PMEPA1: variants seen among roughly 807,000 people sequenced by gnomAD.
PMEPA1 encodes prostate transmembrane protein, androgen induced 1.
A neutral mutation model predicts 23.0 loss-of-function variants in PMEPA1; 11 were observed. That is an observed-to-expected ratio of 0.48 (90% CI 0.30 to 0.79). PMEPA1 has a LOEUF of 0.79. Among genes scored for constraint, PMEPA1 ranks in the 30% least tolerant of loss-of-function variants. PMEPA1 has a pLI of 0.06. For missense variants in PMEPA1, 377 were observed against 390.9 expected (o/e 0.96, Z 0.30); for synonymous variants, 204 against 166.4 (o/e 1.23, Z -1.74).
chr20:57,690,790 C>T (rs1457000565), intron 1 of PMEPA1, among the ~76,000 whole-genome samples: 1 of 152,212 alleles, frequency 6.6e-6, no homozygotes, highest in Non-Finnish European at 1.5e-5. Flanking sequence ...CCTCACCCAC[C>T]AGTTGGTGAG....
At chr20:57,710,756 G>A (rs1381516451), upstream of PMEPA1, 1 of 397,246 alleles carries the variant, frequency 2.5e-6, no homozygotes, top group African/African-American at 2.1e-5. Flanking sequence ...TGAGCAGGAG[G>A]GGTGTACTTT....
rs1040743844 is a variant in PMEPA1 at position 57,655,092 on chromosome 20, C to T, written c.265-2006G>A. ...TGTTTCCTTTAACGGGTTTTCCTAT[C>T]TGTATAGCGGGCTGATGACAGCGCC... On this transcript the variant is annotated intron_variant, in intron 2 of 3. Transcript: ENST00000341744. This position sits in a 1 kb window ranked among gnomAD's most constrained non-coding sequence, Gnocchi z 4.2. 6.6e-6 allele frequency among the ~76,000 whole-genome samples: 1 copy of T among 152,208 alleles called. No homozygotes were observed. The highest frequency in any genetic ancestry group is 2.4e-5 in the African/African-American group (1 of 41,446).
At chr20:57,676,657 C>A (rs1019122049) in intron 1 of PMEPA1, among the ~76,000 whole-genome samples, 6 of 152,230 alleles carry the variant, frequency 3.9e-5, no homozygotes, top group African/African-American at 1.2e-4. Context: ...AAGGGGCCGA[C>A]TGGCTGGGGA....
At position 57,652,308 on chromosome 20, in the gene PMEPA1, G is replaced by A; in HGVS notation, c.609C>T (p.Gly203=). Residue 203 remains glycine, a synonymous_variant, in exon 4 of 4, where the codon GGC becomes GGT. Transcript: ENST00000341744. This position sits in a 1 kb window ranked among gnomAD's most constrained non-coding sequence, Gnocchi z 6.1. ...AGTTACTGCTGGGGGGGCAGGGGCC[G>A]CCCAGCCTGGCACTATCCATCAGGT... ...DSDLMDSARL[G]GPCPPSSNSG... is the part of the protein sequence containing the mutation. The A allele has an allele frequency of 6.2e-7, 1 of 1,610,926 alleles. No individual in the cohort carries two copies. The highest frequency in any genetic ancestry group is 8.5e-7 in the Non-Finnish European group (1 of 1,179,724).
At chr20:57,690,677 C>T in intron 1 of PMEPA1, 1 of 809,706 alleles carries the variant, frequency 1.2e-6, no homozygotes, top group Non-Finnish European at 1.7e-6. Flanking sequence ...TCCTGGGAAA[C>T]ACTCGGTGCA....
intron 1 of PMEPA1, among the ~76,000 whole-genome samples, chr20:57,687,604 T>C (rs2071818487): frequency 6.6e-6 from 1 of 152,178 alleles, no homozygotes. Context: ...AAATACAACT[T>C]TTTTGGCCAA....
At position 57,682,839 on chromosome 20, in the gene PMEPA1, G is replaced by A. The variant is rs894812480; in HGVS notation, c.110-23142C>T. 6.6e-6 allele frequency among the ~76,000 whole-genome samples: 1 copy of A among 152,206 alleles called. No individual in the cohort carries two copies. Among genetic ancestry groups the A allele is most frequent in the Non-Finnish European group, 1.5e-5 (1 of 68,034 alleles). The stretch of plus-strand genomic sequence containing the variant: ...GCCCCGCTGAAAAGGAAGGCGGCTC[G>A]CCAGATTTGTTTCGAATTATGAAAA... On this transcript the variant is annotated intron_variant, in intron 1 of 3. Coordinates refer to ENST00000341744, the MANE Select transcript of PMEPA1 (RefSeq NM_020182.5). The surrounding 1 kb of genome is among the most constrained non-coding windows in gnomAD (Gnocchi z 4.4).
chr20:57,711,099 A>G (rs2072175303), upstream of PMEPA1: 1 of 152,142 alleles, frequency 6.6e-6, no homozygotes, highest in Non-Finnish European at 1.5e-5. Flanking sequence ...CTGTGTGCCA[A>G]CCCAGGACCC....
chr20:57,658,797 T>C (rs987102075), intron 2 of PMEPA1, among the ~76,000 whole-genome samples: 3 of 152,194 alleles, frequency 2.0e-5, no homozygotes, highest in Non-Finnish European at 2.9e-5. Context: ...GATGTCAGCA[T>C]AGCACGGGCA....
intron 1 of PMEPA1, among the ~76,000 whole-genome samples, chr20:57,698,238 C>T (rs1237523775): frequency 7.9e-5 from 12 of 152,146 alleles, no homozygotes; most frequent in Non-Finnish European, 1.3e-4. Flanking sequence ...TGTTTAAAGG[C>T]TGGTTGGTGT....
At chr20:57,689,395 C>T (rs1600663955) in intron 1 of PMEPA1, among the ~76,000 whole-genome samples, 1 of 152,260 alleles carries the variant, frequency 6.6e-6, no homozygotes, top group East Asian at 1.9e-4. Flanking sequence ...GCCTGGCCTT[C>T]CCAGGCAGAA....
chr20:57,654,396 T>C (rs1162212952), intron 2 of PMEPA1, among the ~76,000 whole-genome samples: 1 of 152,088 alleles, frequency 6.6e-6, no homozygotes, highest in Non-Finnish European at 1.5e-5. Context: ...CCAGGTAGGA[T>C]ACCGCTCACC....
intron 1 of PMEPA1, among the ~76,000 whole-genome samples, chr20:57,660,367 C>A (rs971838276): frequency 6.6e-6 from 1 of 151,828 alleles, no homozygotes; most frequent in Non-Finnish European, 1.5e-5. Flanking sequence ...AACACTCCTA[C>A]ACACACAACG....
At chr20:57,699,533 C>T (rs1458038824) in intron 1 of PMEPA1, among the ~76,000 whole-genome samples, 3 of 152,206 alleles carry the variant, frequency 2.0e-5, no homozygotes, top group Admixed American at 2.0e-4. Context: ...GTCTCTCTCC[C>T]TGTGCAACTA....
intron 1 of PMEPA1, 51 bp from the exon 2 acceptor site, chr20:57,659,748 G>A: frequency 6.5e-7 from 1 of 1,528,110 alleles, no homozygotes; most frequent in Non-Finnish European, 8.9e-7. Context: ...GCAGGTCGCT[G>A]TGCTCAGGGC....
rs536060911 is a variant in PMEPA1, at chr20:57,682,412, C to T, written c.110-22715G>A. On this transcript the variant is annotated intron_variant, in intron 1 of 3. Coordinates refer to ENST00000341744, the MANE Select transcript of PMEPA1 (RefSeq NM_020182.5). The surrounding 1 kb of genome is among the most constrained non-coding windows in gnomAD (Gnocchi z 4.4). Reference sequence around the variant, plus strand: ...ATGACAGCCCGCTGCCCTTGCATACCTAAGCACAAAGTCACTGGTAACTAG... The same window carrying T: ...ATGACAGCCCGCTGCCCTTGCATACTTAAGCACAAAGTCACTGGTAACTAG... 1.3e-5 allele frequency among the ~76,000 whole-genome samples: 2 copies of T among 152,312 alleles called. No homozygotes were observed. Among genetic ancestry groups the T allele is most frequent in the Non-Finnish European group, 2.9e-5 (2 of 68,040 alleles).
intron 1 of PMEPA1, among the ~76,000 whole-genome samples, chr20:57,684,169 A>C: frequency 6.6e-6 from 1 of 152,094 alleles, no homozygotes; most frequent in East Asian, 1.9e-4. Context: ...CCCCCTACCA[A>C]GTAAAAACCG....
chr20:57,652,418 G>C lies in PMEPA1; in HGVS notation c.499C>G (p.Leu167Val), dbSNP rs1170666003. The C allele has an allele frequency of 1.2e-6, 2 of 1,613,712 alleles. No individual in the cohort carries two copies. The highest frequency in any genetic ancestry group is 1.7e-6 in the Non-Finnish European group (2 of 1,179,908). ...TGCTGCTCGGGGTCCCGAAGCTGGA[G>C]GGTGCAGGGGCCCTGGTAGGGTGGG... ...EPPPYQGPCT[L>V]QLRDPEQQLE... The change falls in exon 4 of 4, where the codon CTC becomes GTC. Residue 167 changes from leucine to valine, a missense_variant. Leu to Val is a conservative substitution (Grantham distance 32). Coordinates refer to ENST00000341744, the MANE Select transcript of PMEPA1 (RefSeq NM_020182.5). This position sits in a 1 kb window ranked among gnomAD's most constrained non-coding sequence, Gnocchi z 6.1.
At chr20:57,708,921 C>G (rs189658169) in intron 1 of PMEPA1, among the ~76,000 whole-genome samples, 1 of 152,210 alleles carries the variant, frequency 6.6e-6, no homozygotes, top group Non-Finnish European at 1.5e-5. Context: ...CTCAGACCCC[C>G]AGACACCCCG....
Sources: allele counts gnomAD v4.1 joint callset (sites outside exome capture counted in the v4.1 genomes callset), GRCh38; gene constraint gnomAD v4.1.1; non-coding constraint Gnocchi (gnomAD v3.1); transcripts MANE v1.5; gene names NCBI Gene and HGNC (gene_info 2026-07-23, HGNC 2026-07-21).